The following TSHZ2 variants were observed in gnomAD, a reference collection of about 807,000 sequenced individuals.
TSHZ2 encodes teashirt homolog 2.
A neutral mutation model predicts 74.4 loss-of-function variants in TSHZ2; 21 were observed. The ratio of observed to expected loss-of-function variants is 0.28; its 90% CI spans 0.20 to 0.41. The LOEUF (loss-of-function observed/expected upper bound fraction) is 0.41. TSHZ2 is among the 10% of genes least tolerant of loss of function. The probability of loss-of-function intolerance (pLI) is 1.00; values close to 1 mark genes in which losing one functional copy is unlikely to be tolerated. For missense variants in TSHZ2, 1,244 were observed against 1,293.5 expected (o/e 0.96, Z 0.59); for synonymous variants, 540 against 515.3 (o/e 1.05, Z -0.65).
At chr20:53,231,028 ACTT>A in intron 1 of TSHZ2, among the ~76,000 whole-genome samples, 1 of 152,110 alleles carries the variant, frequency 6.6e-6, no homozygotes, top group African/African-American at 2.4e-5. Context: ...GAGAGGCTGG[ACTT>A]TCTGTCTGCT....
At chr20:53,464,772 T>A (rs930464864) in intron 2 of TSHZ2, among the ~76,000 whole-genome samples, 2 of 151,938 alleles carry the variant, frequency 1.3e-5, no homozygotes, top group Admixed American at 1.3e-4. Context: ...CCAGTCAGTA[T>A]TTTTCTTTCT....
intron 1 of TSHZ2, among the ~76,000 whole-genome samples, chr20:53,172,133 T>C (rs1226181779): frequency 6.6e-6 from 1 of 152,258 alleles, no homozygotes; most frequent in African/African-American, 2.4e-5. Flanking sequence ...AGATATGAAT[T>C]ATAAAGCAAT....
chr20:52,990,369 C>T (rs1488493557), intron 1 of TSHZ2, among the ~76,000 whole-genome samples: 1 of 137,752 alleles, frequency 7.3e-6, no homozygotes, highest in Non-Finnish European at 1.5e-5. Flanking sequence ...AAAATGCCTG[C>T]TTGGCTTAAG....
chr20:53,072,350 A>T (rs781230324), intron 1 of TSHZ2, among the ~76,000 whole-genome samples: 1 of 152,252 alleles, frequency 6.6e-6, no homozygotes, highest in Non-Finnish European at 1.5e-5. Context: ...CCACAAAATC[A>T]TAATAATCCA....
rs764417866 is a variant in TSHZ2 at position 53,254,808 on chromosome 20, A to G, written c.1350A>G (p.Ala450=). ...SLAPKPSSNS[A]SDCTASTTEL... is the part of the protein sequence containing the mutation. ...CTCCCAAGCCATCCAGTAACTCAGC[A>G]TCAGATTGTACAGCCTCTACAACTG... The change falls in exon 2 of 3, where the codon GCA becomes GCG. Residue 450 remains alanine (A), a synonymous_variant. Coordinates refer to ENST00000371497, the MANE Select transcript of TSHZ2 (RefSeq NM_173485.6). 3 of 1,613,870 alleles carry G rather than the reference A, an allele frequency of 1.9e-6. No homozygotes were observed. The highest frequency in any genetic ancestry group is 2.5e-6 in the Non-Finnish European group (3 of 1,179,916).
At chr20:53,210,291 A>T (rs1989273336) in intron 1 of TSHZ2, among the ~76,000 whole-genome samples, 1 of 152,222 alleles carries the variant, frequency 6.6e-6, no homozygotes. Context: ...AGCCAATGTG[A>T]CAGCTTTCTG....
At chr20:53,111,165 C>CA (rs1451089177) in intron 1 of TSHZ2, among the ~76,000 whole-genome samples, 2 of 152,132 alleles carry the variant, frequency 1.3e-5, no homozygotes, top group African/African-American at 4.8e-5. Flanking sequence ...GGAAATTGTC[C>CA]AAGAGGGTCA....
intron 2 of TSHZ2, among the ~76,000 whole-genome samples, chr20:53,287,550 A>C (rs1433857415): frequency 6.6e-6 from 1 of 152,248 alleles, no homozygotes; most frequent in Non-Finnish European, 1.5e-5. Flanking sequence ...CCACAGAGTG[A>C]GCAGCTGTTA....
chr20:53,217,985 A>T (rs2123631990), intron 1 of TSHZ2, among the ~76,000 whole-genome samples: 1 of 152,314 alleles, frequency 6.6e-6, no homozygotes, highest in East Asian at 1.9e-4. Flanking sequence ...CCTGAACAAT[A>T]CAGACAAGTA....
intron 2 of TSHZ2, among the ~76,000 whole-genome samples, chr20:53,422,177 C>T (rs7266460): frequency 0.046 from 6,938 of 151,890 alleles, 327 homozygotes; most frequent in African/African-American, 0.12. Context: ...AACTAAATAA[C>T]GAAAAAAAGG....
intron 1 of TSHZ2, among the ~76,000 whole-genome samples, chr20:53,100,263 G>T (rs1377029638): frequency 6.6e-6 from 1 of 151,978 alleles, no homozygotes; most frequent in Non-Finnish European, 1.5e-5. Context: ...ACCTCACTTT[G>T]CCCCTTCATT....
intron 1 of TSHZ2, among the ~76,000 whole-genome samples, chr20:53,215,433 G>T (rs537187613): frequency 6.6e-6 from 1 of 151,876 alleles, no homozygotes; most frequent in South Asian, 2.1e-4. Flanking sequence ...TATGGGAGAG[G>T]TTGAGTGGCT....
At chr20:53,482,729 C>T (rs999047956) in intron 2 of TSHZ2, among the ~76,000 whole-genome samples, 7 of 151,826 alleles carry the variant, frequency 4.6e-5, no homozygotes, top group Non-Finnish European at 1.0e-4. Context: ...CGTGGCGAAA[C>T]CCTGTCTCTA....
intron 1 of TSHZ2, among the ~76,000 whole-genome samples, chr20:53,194,140 A>G (rs1250748649): frequency 3.3e-5 from 5 of 152,100 alleles, no homozygotes; most frequent in African/African-American, 7.2e-5. Flanking sequence ...CATGAGCACA[A>G]TGGCAGGATT....
chr20:53,096,511 G>A (rs1414316294), intron 1 of TSHZ2, among the ~76,000 whole-genome samples: 4 of 152,148 alleles, frequency 2.6e-5, no homozygotes, highest in African/African-American at 4.8e-5. Context: ...CAAAGGGGCA[G>A]GCGTGAGATG....
intron 1 of TSHZ2, among the ~76,000 whole-genome samples, chr20:53,166,798 C>A (rs917408830): frequency 1.3e-5 from 2 of 151,838 alleles, no homozygotes; most frequent in Non-Finnish European, 2.9e-5. Context: ...AATAAAAAAT[C>A]AAAACAAAAA....
chr20:53,318,989 T>C (rs1979138403), intron 2 of TSHZ2, among the ~76,000 whole-genome samples: 1 of 152,098 alleles, frequency 6.6e-6, no homozygotes, highest in Non-Finnish European at 1.5e-5. Context: ...CTGCCCTTTA[T>C]AAAACCTTCA....
Position 53,254,120 on chromosome 20 carries a change from G to C in TSHZ2, c.662G>C (p.Ser221Thr), listed in dbSNP as rs1451620858. Residue 221 changes from serine (S) to threonine (T), a missense_variant, in exon 2 of 3, where the codon AGC becomes ACC. Around this residue, in one of 6 missense-constraint regions of TSHZ2, gnomAD observed 470 missense variants for 456.5 expected, o/e 1.03. Coordinates refer to ENST00000371497, the MANE Select transcript of TSHZ2 (RefSeq NM_173485.6). ...AGCAGATTCCGATGCCGACAGTGCA[G>C]CGCGGCCTATGACACCCTAGTCGAG... ...GASRFRCRQC[S>T]AAYDTLVELT... 2.9e-5 allele frequency: 47 copies of C among 1,614,010 alleles called. No homozygotes were observed. The highest frequency in any genetic ancestry group is 3.9e-5 in the Non-Finnish European group (46 of 1,180,034).
intron 1 of TSHZ2, among the ~76,000 whole-genome samples, chr20:53,173,522 C>T (rs1040230374): frequency 1.3e-5 from 2 of 152,124 alleles, no homozygotes; most frequent in Non-Finnish European, 2.9e-5. Context: ...GCAGGAGAAT[C>T]GCTTGAGCCC....
Sources: allele counts gnomAD v4.1 joint callset (sites outside exome capture counted in the v4.1 genomes callset), GRCh38; gene constraint gnomAD v4.1.1; regional missense constraint gnomAD v4.1.1; transcripts MANE v1.5; gene names NCBI Gene and HGNC (gene_info 2026-07-23, HGNC 2026-07-21).